The following ACOXL variants were observed in gnomAD, a reference collection of about 807,000 sequenced individuals.
ACOXL encodes the protein acyl-coenzyme A oxidase-like protein.
A neutral mutation model predicts 71.9 loss-of-function variants in ACOXL; 70 were observed. The ratio of observed to expected loss-of-function variants is 0.97; its 90% CI spans 0.80 to 1.19. The LOEUF is 1.19. ACOXL is among the 50% of genes most tolerant of loss of function. The pLI is 0.00. For missense variants in ACOXL, 703 were observed against 736.3 expected, an observed-to-expected ratio of 0.95 and a Z score of 0.52; for synonymous variants, 253 against 281.6, an observed-to-expected ratio of 0.90 and a Z score of 1.02.
chr2:110,813,119 A>G (rs545190530), intron 9 of ACOXL, among the ~76,000 whole-genome samples: 2 of 152,304 alleles, frequency 1.3e-5, no homozygotes, highest in South Asian at 2.1e-4. Context: ...TCTGCGTCAC[A>G]TTCACAGATG....
chr2:110,860,085 G>A (rs566535488), intron 10 of ACOXL, among the ~76,000 whole-genome samples: 20 of 152,232 alleles, frequency 1.3e-4, no homozygotes, highest in Middle Eastern at 3.4e-3. Context: ...CCATTTGTGT[G>A]TGCTGTGGGG....
intron 14 of ACOXL, among the ~76,000 whole-genome samples, chr2:111,028,219 A>G (rs562401484): frequency 6.6e-6 from 1 of 152,118 alleles, no homozygotes; most frequent in African/African-American, 2.4e-5. Flanking sequence ...AATATTTCTT[A>G]AGATTTTTCT....
chr2:111,115,794 A>G (rs1360388535), intron 17 of ACOXL, among the ~76,000 whole-genome samples: 1 of 152,170 alleles, frequency 6.6e-6, no homozygotes, highest in Non-Finnish European at 1.5e-5. Context: ...CAGCCAGTTC[A>G]TTTTTCTTCT....
intron 10 of ACOXL, among the ~76,000 whole-genome samples, chr2:110,875,982 A>G (rs1437151481): frequency 6.6e-6 from 1 of 152,150 alleles, no homozygotes. Flanking sequence ...TATTTTATAA[A>G]GCACCAGCTG....
chr2:110,992,981 A>G (rs527392405), intron 13 of ACOXL, among the ~76,000 whole-genome samples: 52 of 152,212 alleles, frequency 3.4e-4, no homozygotes, highest in African/African-American at 1.2e-3. Flanking sequence ...TCAACCTATT[A>G]CTGTACCTGC....
intron 10 of ACOXL, among the ~76,000 whole-genome samples, chr2:110,842,917 C>T (rs779531696): frequency 6.6e-6 from 1 of 152,144 alleles, no homozygotes; most frequent in Non-Finnish European, 1.5e-5. Context: ...TGCATGCCCA[C>T]GACAAAAGTG....
chr2:110,750,685 A>G (rs56202720), intron 1 of ACOXL, among the ~76,000 whole-genome samples: 3,619 of 148,182 alleles, frequency 0.024, 66 homozygotes, highest in East Asian at 0.057. Flanking sequence ...GTGTGTGTGT[A>G]TATATATATA....
At chr2:110,861,311 A>C (rs1693929732) in intron 10 of ACOXL, among the ~76,000 whole-genome samples, 1 of 152,088 alleles carries the variant, frequency 6.6e-6, no homozygotes. Context: ...ATACCAAAAC[A>C]ACAAAATCTT....
At chr2:110,844,550 C>CT (rs72290322) in intron 10 of ACOXL, among the ~76,000 whole-genome samples, 422 of 133,516 alleles carry the variant, frequency 3.2e-3, no homozygotes, top group African/African-American at 5.2e-3. Flanking sequence ...CTTTTCTTTT[C>CT]TTTTTTTTTT....
At chr2:110,829,610 A>G (rs1410566653) in intron 9 of ACOXL, among the ~76,000 whole-genome samples, 1 of 152,176 alleles carries the variant, frequency 6.6e-6, no homozygotes, top group Non-Finnish European at 1.5e-5. Flanking sequence ...TCTGCGTCAC[A>G]GTGACCACAC....
intron 14 of ACOXL, among the ~76,000 whole-genome samples, chr2:111,023,459 A>AT (rs1257107278): frequency 6.6e-6 from 1 of 151,964 alleles, no homozygotes; most frequent in Non-Finnish European, 1.5e-5. Context: ...AAAAAATGGG[A>AT]TTTTTTGATT....
intron 1 of ACOXL, among the ~76,000 whole-genome samples, chr2:110,741,045 C>G (rs1677464359): frequency 6.6e-6 from 1 of 152,180 alleles, no homozygotes; most frequent in African/African-American, 2.4e-5. Flanking sequence ...GTGTCATTCT[C>G]TTTTCTCTAT....
chr2:111,057,777 A>C (rs2066618110), intron 16 of ACOXL, among the ~76,000 whole-genome samples: 1 of 152,276 alleles, frequency 6.6e-6, no homozygotes, highest in South Asian at 2.1e-4. Context: ...TAAGAGGAGC[A>C]TATGAGCGCA....
chr2:111,100,912 C>G (rs913552126), intron 17 of ACOXL: 4 of 152,686 alleles, frequency 2.6e-5, no homozygotes, highest in African/African-American at 7.2e-5. Context: ...TGTATCTGCT[C>G]AAGTCTAAAA....
chr2:111,113,277 T>C (rs895652042), intron 17 of ACOXL: 1 of 152,244 alleles, frequency 6.6e-6, no homozygotes, highest in African/African-American at 2.4e-5. Flanking sequence ...GCCTTGGTTT[T>C]CTCATCTGTA....
intron 10 of ACOXL, among the ~76,000 whole-genome samples, chr2:110,885,021 C>G (rs535825490): frequency 2.0e-5 from 3 of 152,284 alleles, no homozygotes; most frequent in African/African-American, 7.2e-5. Context: ...ATGGAAGTTA[C>G]TGACTGGTTC....
intron 10 of ACOXL, among the ~76,000 whole-genome samples, chr2:110,845,328 G>A (rs1457339583): frequency 2.0e-5 from 3 of 152,142 alleles, no homozygotes; most frequent in Admixed American, 6.5e-5. Flanking sequence ...CTTCTCATTC[G>A]TGAGGGAGGA....
chr2:111,107,353 G>T (rs1200528110), intron 17 of ACOXL, among the ~76,000 whole-genome samples: 1 of 152,158 alleles, frequency 6.6e-6, no homozygotes, highest in Admixed American at 6.5e-5. Flanking sequence ...AATCTTCTAA[G>T]ATTTGTTTTA....
At chr2:111,044,504 A>G (rs2065927117) in intron 15 of ACOXL, among the ~76,000 whole-genome samples, 1 of 152,238 alleles carries the variant, frequency 6.6e-6, no homozygotes, top group Non-Finnish European at 1.5e-5. Flanking sequence ...AGATTGCGAG[A>G]GAAGCTGAAA....
Sources: allele counts gnomAD v4.1 joint callset (sites outside exome capture counted in the v4.1 genomes callset), GRCh38; gene constraint gnomAD v4.1.1; transcripts MANE v1.5; gene names NCBI Gene and HGNC (gene_info 2026-07-23, HGNC 2026-07-21).